NEBL: variants seen among roughly 807,000 people sequenced by gnomAD.
The protein encoded by NEBL is LIM and SH3 protein 2.
NEBL carries 122 observed loss-of-function variants against 140.2 expected under a neutral mutation model. The observed-to-expected ratio is 0.87, with a 90% CI of 0.75 to 1.01. NEBL has a LOEUF of 1.01. Ranked by LOEUF, NEBL falls within the 50% of genes least tolerant of loss-of-function variation. NEBL has a pLI of 0.00. For missense variants in NEBL, 1,365 were observed against 1,231.3 expected, an observed-to-expected ratio of 1.11 and a Z score of -1.62; for synonymous variants, 436 against 398.9, an observed-to-expected ratio of 1.09 and a Z score of -1.11.
chr10:21,179,580 C>T (rs2132203266), upstream of NEBL, among the ~76,000 whole-genome samples: 1 of 152,268 alleles, frequency 6.6e-6, no homozygotes, highest in South Asian at 2.1e-4. Context: ...TCACTCGGTG[C>T]TCTGCGATCA....
chr10:20,852,730 A>T lies in NEBL; in HGVS notation c.904-81T>A, dbSNP rs1172152067. On this transcript the variant is annotated intron_variant, in intron 9 of 27. Transcript: ENST00000377122. ...AAATACTTAGAAATACAAACTGCAC[A>T]TTACAAGCCACCAAGAGCTGCAAAG... 6 of 1,187,050 alleles carry T rather than the reference A, an allele frequency of 5.1e-6. No homozygotes were observed. In the Admixed American group the frequency reaches 1.2e-4, roughly 23 times the overall value. The allele number at this position is 1,187,050 out of a possible 1,614,324, so 73.5% of individuals were successfully genotyped here. A position where few individuals can be genotyped will look rare whatever the true frequency, so the allele number is the denominator to read the frequency against.
At chr10:21,058,190 G>T (rs1286096524) in intron 2 of NEBL, among the ~76,000 whole-genome samples, 1 of 152,140 alleles carries the variant, frequency 6.6e-6, no homozygotes, top group Non-Finnish European at 1.5e-5. Flanking sequence ...TTTCATTTTG[G>T]TCAGGAGCCA....
intron 2 of NEBL, among the ~76,000 whole-genome samples, chr10:21,148,065 G>A (rs1482548710): frequency 1.3e-5 from 2 of 152,150 alleles, no homozygotes; most frequent in Non-Finnish European, 2.9e-5. Flanking sequence ...AACTATACAA[G>A]GCTAGAAGAA....
intron 17 of NEBL, 96 bp from the exon 18 acceptor site, chr10:20,826,635 A>C: frequency 1.1e-6 from 1 of 870,590 alleles, no homozygotes; most frequent in Non-Finnish European, 1.9e-6. Context: ...TTTTATAATA[A>C]TATGAATACT....
At chr10:21,068,391 T>G (rs1835661687) in intron 2 of NEBL, among the ~76,000 whole-genome samples, 1 of 152,194 alleles carries the variant, frequency 6.6e-6, no homozygotes, top group African/African-American at 2.4e-5. Context: ...CCCTACTCCC[T>G]CAGTTTGTAC....
chr10:21,239,909 T>G (rs1004003929), intron 3 of NEBL, among the ~76,000 whole-genome samples: 6 of 151,574 alleles, frequency 4.0e-5, no homozygotes, highest in Admixed American at 3.3e-4. Context: ...CCAGCTACTC[T>G]GGAGGCTGAG....
chr10:20,884,328 C>T (rs989252254), intron 4 of NEBL, among the ~76,000 whole-genome samples: 7 of 152,094 alleles, frequency 4.6e-5, no homozygotes, highest in African/African-American at 1.7e-4. Flanking sequence ...CTGCCCACCT[C>T]GGCCTTCCAA....
intron 2 of NEBL, among the ~76,000 whole-genome samples, chr10:21,121,706 G>A (rs935483801): frequency 3.9e-5 from 6 of 152,102 alleles, no homozygotes; most frequent in East Asian, 1.9e-4. Context: ...TGCCATCTCC[G>A]TTTAAATGTC....
intron 3 of NEBL, among the ~76,000 whole-genome samples, chr10:20,971,947 A>T (rs1436692117): frequency 1.3e-5 from 2 of 152,212 alleles, no homozygotes; most frequent in African/African-American, 4.8e-5. Context: ...ACTTTGAACC[A>T]GAAGGTACCA....
At chr10:21,141,331 T>C (rs1839623488) in intron 2 of NEBL, among the ~76,000 whole-genome samples, 1 of 152,158 alleles carries the variant, frequency 6.6e-6, no homozygotes, top group African/African-American at 2.4e-5. Context: ...TTTTAGGAAA[T>C]ACACAGTGCA....
intron 3 of NEBL, among the ~76,000 whole-genome samples, chr10:20,964,946 T>A (rs1306338616): frequency 6.6e-6 from 1 of 152,230 alleles, no homozygotes; most frequent in Non-Finnish European, 1.5e-5. Context: ...AGCCCCCGTG[T>A]CCATGTGTTG....
rs550112205 is a variant in NEBL, at chr10:20,905,178, G to C, written c.357+56494C>G. Among the ~76,000 whole-genome samples, 5 of 152,306 alleles carry C rather than the reference G, an allele frequency of 3.3e-5. No homozygotes were observed. In the South Asian group the frequency reaches 1.0e-3, roughly 32 times the overall value. ...TACACAAACACATGAAAAACTAGAT[G>C]ATTTGGCACTTTTTGGAGAAAGTGT... On this transcript the variant is annotated intron_variant, in intron 4 of 6. Transcript: ENST00000417816.
At chr10:20,814,499 G>A (rs1198792353) in intron 22 of NEBL, among the ~76,000 whole-genome samples, 1 of 151,900 alleles carries the variant, frequency 6.6e-6, no homozygotes, top group African/African-American at 2.4e-5. Flanking sequence ...CTACTTGAGA[G>A]GTTAAGACAA....
At chr10:21,071,549 T>C (rs998105011) in intron 2 of NEBL, among the ~76,000 whole-genome samples, 2 of 152,182 alleles carry the variant, frequency 1.3e-5, no homozygotes, top group Admixed American at 6.5e-5. Flanking sequence ...TACAATCACC[T>C]AGGACACTTT....
chr10:20,881,360 C>T (rs372876854), intron 4 of NEBL, among the ~76,000 whole-genome samples: 7 of 152,266 alleles, frequency 4.6e-5, no homozygotes, highest in South Asian at 4.1e-4. Context: ...AGTGCACAAA[C>T]CTTTGGGAGA....
At chr10:21,115,194 C>G (rs1661113989) in intron 2 of NEBL, among the ~76,000 whole-genome samples, 1 of 151,844 alleles carries the variant, frequency 6.6e-6, no homozygotes, top group South Asian at 2.1e-4. Flanking sequence ...CCCTTTTGCC[C>G]CTTCCTGGCC....
chr10:20,887,809 A>G (rs1043940785), intron 4 of NEBL, among the ~76,000 whole-genome samples: 2 of 152,234 alleles, frequency 1.3e-5, no homozygotes, highest in African/African-American at 2.4e-5. Context: ...AATATTTACT[A>G]TAAGAATTTC....
intron 9 of NEBL, among the ~76,000 whole-genome samples, chr10:20,853,834 G>T (rs1297061768): frequency 1.3e-5 from 2 of 152,086 alleles, no homozygotes; most frequent in Non-Finnish European, 2.9e-5. Flanking sequence ...CCACAATAGG[G>T]TGACCATAGT....
intron 26 of NEBL, among the ~76,000 whole-genome samples, chr10:20,794,250 T>A (rs1836288360): frequency 6.6e-6 from 1 of 152,218 alleles, no homozygotes. Flanking sequence ...GCCTAAAATA[T>A]CTTTGCAAAA....
Sources: allele counts gnomAD v4.1 joint callset (sites outside exome capture counted in the v4.1 genomes callset), GRCh38; gene constraint gnomAD v4.1.1; transcripts MANE v1.5; gene names NCBI Gene and HGNC (gene_info 2026-07-23, HGNC 2026-07-21).